HS3ST4: variants seen among roughly 807,000 people sequenced by gnomAD.
The protein encoded by HS3ST4 is heparan sulfate glucosamine 3-O-sulfotransferase 4.
HS3ST4 carries 17 observed loss-of-function variants against 29.2 expected under a neutral mutation model. The observed-to-expected ratio is 0.58, with a 90% CI of 0.40 to 0.87. HS3ST4 has a LOEUF of 0.87. Ranked by LOEUF, HS3ST4 falls within the 40% of genes least tolerant of loss-of-function variation. The pLI is 0.00. For missense variants in HS3ST4, 627 were observed against 634.5 expected (o/e 0.99, Z 0.13); for synonymous variants, 314 against 285.7 (o/e 1.10, Z -1.00).
chr16:25,901,163 T>C (rs1968116683), intron 1 of HS3ST4, among the ~76,000 whole-genome samples: 1 of 152,162 alleles, frequency 6.6e-6, no homozygotes, highest in South Asian at 2.1e-4. Flanking sequence ...TGAAGTTACC[T>C]GTGACAAATT....
At chr16:25,951,434 A>T (rs968876766) in intron 1 of HS3ST4, among the ~76,000 whole-genome samples, 1 of 152,238 alleles carries the variant, frequency 6.6e-6, no homozygotes, top group Non-Finnish European at 1.5e-5. Flanking sequence ...AATGGAGATA[A>T]TAATACATTC....
At chr16:25,797,531 G>A (rs1408490239) in intron 1 of HS3ST4, among the ~76,000 whole-genome samples, 1 of 152,184 alleles carries the variant, frequency 6.6e-6, no homozygotes, top group Non-Finnish European at 1.5e-5. Context: ...AAGGGCACAT[G>A]TTAGCTGTTA....
intron 1 of HS3ST4, among the ~76,000 whole-genome samples, chr16:25,847,745 A>G (rs1385107150): frequency 6.6e-6 from 1 of 152,196 alleles, no homozygotes; most frequent in East Asian, 1.9e-4. Flanking sequence ...GTGAACATAT[A>G]GGGTTTGTCC....
At chr16:25,857,910 T>TCCTC (rs1967592753) in intron 1 of HS3ST4, among the ~76,000 whole-genome samples, 1 of 51,216 alleles carries the variant, frequency 2.0e-5, no homozygotes, top group Non-Finnish European at 3.8e-5. Flanking sequence ...CTTCCTTCCT[T>TCCTC]CCTTCCTTCC....
chr16:25,741,761 G>T lies in HS3ST4; in HGVS notation c.734+48610G>T, dbSNP rs113034941. 6.1e-3 allele frequency among the ~76,000 whole-genome samples: 929 copies of T among 152,180 alleles called. 4 individuals carry two copies. Among genetic ancestry groups the T allele is most frequent in the Non-Finnish European group, 0.011 (736 of 68,002 alleles). On this transcript the variant is annotated intron_variant, in intron 1 of 1. Transcript: ENST00000331351. ...TGCAGGAATCCATGCTGTGATAGAG[G>T]TCTCTCTGACACTATTATCACAATC...
intron 1 of HS3ST4, among the ~76,000 whole-genome samples, chr16:25,999,198 C>A (rs1230676207): frequency 6.6e-6 from 1 of 152,048 alleles, no homozygotes; most frequent in Non-Finnish European, 1.5e-5. Flanking sequence ...GCAGGTGAGG[C>A]AGGTTGTACA....
At chr16:25,811,326 A>G (rs1967039640) in intron 1 of HS3ST4, among the ~76,000 whole-genome samples, 1 of 152,066 alleles carries the variant, frequency 6.6e-6, no homozygotes, top group Admixed American at 6.6e-5. Flanking sequence ...CATGAAGAAG[A>G]GGAAGATGAA....
chr16:25,818,398 C>T (rs550025331), intron 1 of HS3ST4, among the ~76,000 whole-genome samples: 3 of 152,272 alleles, frequency 2.0e-5, no homozygotes, highest in Middle Eastern at 3.4e-3. Context: ...ACTGAATCCA[C>T]CAGCCCCTTG....
chr16:25,941,331 G>A (rs1389713269), intron 1 of HS3ST4, among the ~76,000 whole-genome samples: 2 of 151,774 alleles, frequency 1.3e-5, no homozygotes, highest in Non-Finnish European at 2.9e-5. Context: ...GGCTAATTTT[G>A]TATTTTTAGT....
chr16:25,769,729 AAC>A (rs1248767180), intron 1 of HS3ST4, among the ~76,000 whole-genome samples: 2 of 152,184 alleles, frequency 1.3e-5, no homozygotes, highest in African/African-American at 4.8e-5. Flanking sequence ...CCAGCTAGCA[AAC>A]AGTGTTTTAA....
intron 1 of HS3ST4, among the ~76,000 whole-genome samples, chr16:25,765,880 G>A (rs1966815514): frequency 6.6e-6 from 1 of 152,118 alleles, no homozygotes; most frequent in Non-Finnish European, 1.5e-5. Context: ...GTTTGGATGT[G>A]GTTGGACCGT....
At chr16:25,695,645 C>A (rs780761993) in intron 1 of HS3ST4, among the ~76,000 whole-genome samples, 8 of 152,138 alleles carry the variant, frequency 5.3e-5, no homozygotes, top group Non-Finnish European at 1.0e-4. Flanking sequence ...GGCATCGATT[C>A]CAGTATCAGA....
chr16:25,730,386 C>T (rs1321546590), intron 1 of HS3ST4, among the ~76,000 whole-genome samples: 2 of 146,606 alleles, frequency 1.4e-5, no homozygotes, highest in Admixed American at 1.4e-4. Context: ...CCTTCCTCCC[C>T]TCCCTCGTCC....
intron 1 of HS3ST4, among the ~76,000 whole-genome samples, chr16:25,989,946 T>A (rs1969100130): frequency 6.6e-6 from 1 of 152,212 alleles, no homozygotes; most frequent in Non-Finnish European, 1.5e-5. Flanking sequence ...GCCATGGGTT[T>A]TGACAAATAT....
chr16:26,101,480 C>A (rs1465527652), intron 1 of HS3ST4, among the ~76,000 whole-genome samples: 1 of 152,230 alleles, frequency 6.6e-6, no homozygotes, highest in Non-Finnish European at 1.5e-5. Flanking sequence ...ACTTGTCCAT[C>A]ATCCCAGTGT....
At chr16:26,059,938 C>T (rs1898455477) in intron 1 of HS3ST4, among the ~76,000 whole-genome samples, 1 of 151,984 alleles carries the variant, frequency 6.6e-6, no homozygotes, top group Non-Finnish European at 1.5e-5. Context: ...CCACCACGCC[C>T]AGCTAATTTT....
At chr16:26,036,366 A>G (rs1483681955) in intron 1 of HS3ST4, among the ~76,000 whole-genome samples, 1 of 152,234 alleles carries the variant, frequency 6.6e-6, no homozygotes, top group East Asian at 1.9e-4. Context: ...ACCATCTGTG[A>G]ATAATGCCTT....
chr16:25,957,061 G>A (rs1489724860), intron 1 of HS3ST4, among the ~76,000 whole-genome samples: 4 of 151,610 alleles, frequency 2.6e-5, no homozygotes, highest in Non-Finnish European at 4.4e-5. Context: ...GAGACAAGGA[G>A]GCTACTACAA....
rs1969192523 is a variant in HS3ST4 at position 25,999,831 on chromosome 16, T to C, written c.735-135781T>C. 2.3e-5 allele frequency among the ~76,000 whole-genome samples: 3 copies of C among 131,374 alleles called. No individual in the cohort carries two copies. In the South Asian group the frequency reaches 6.8e-4, roughly 30 times the overall value. The allele number at this position is 131,374 out of a possible 152,430, so 86.2% of individuals were successfully genotyped here. ...TGTATATTTTATATATATATTTATA[T>C]ATTATATATATTTTATATATATTAT... On this transcript the variant is annotated intron_variant, in intron 1 of 1. Transcript: ENST00000331351.
Sources: gnomAD v4.1 joint callset for allele counts (sites outside exome capture counted in the v4.1 genomes callset) on GRCh38, gnomAD v4.1.1 for gene constraint, MANE v1.5 for transcripts, NCBI Gene and HGNC (gene_info 2026-07-23, HGNC 2026-07-21) for gene names.